Variants in PCDH9 observed in about 807,000 individuals in gnomAD.
PCDH9 encodes the protein protocadherin-9.
A neutral mutation model predicts 70.6 loss-of-function variants in PCDH9; 24 were observed. That is an observed-to-expected ratio of 0.34 (90% CI 0.25 to 0.48). PCDH9 has a LOEUF of 0.48. Ranked by LOEUF, PCDH9 falls within the 20% of genes least tolerant of loss-of-function variation. The probability of loss-of-function intolerance (pLI) is 0.99; values close to 1 mark genes in which losing one functional copy is unlikely to be tolerated. For synonymous variants in PCDH9, 562 were observed against 558.5 expected, an observed-to-expected ratio of 1.01 and a Z score of -0.09; for missense variants, 1,281 against 1,503.6, an observed-to-expected ratio of 0.85 and a Z score of 2.45.
chr13:66,925,470 T>G (rs2082703086), intron 2 of PCDH9, among the ~76,000 whole-genome samples: 1 of 151,928 alleles, frequency 6.6e-6, no homozygotes, highest in Non-Finnish European at 1.5e-5. Context: ...CTGATTTAAC[T>G]AAGTGACACT....
intron 2 of PCDH9, among the ~76,000 whole-genome samples, chr13:66,942,858 G>A (rs561387287): frequency 1.3e-5 from 2 of 152,208 alleles, no homozygotes; most frequent in South Asian, 4.1e-4. Context: ...CCAAGTGTTT[G>A]ACTACCCATA....
intron 4 of PCDH9, among the ~76,000 whole-genome samples, chr13:66,544,343 T>G (rs1475705250): frequency 6.6e-6 from 1 of 152,168 alleles, no homozygotes; most frequent in African/African-American, 2.4e-5. Context: ...ACTTCAGAAC[T>G]TACCAAACAT....
Position 67,039,485 on chromosome 13 carries a change from C to G in PCDH9, c.3037-135880G>C, listed in dbSNP as rs2085070856. Reference sequence around the variant, plus strand: ...ATGCCCCATCCCTATAAAACCTGGCCCAGCCCCCAGCTTGGGGAGACAGAT... The same window carrying G: ...ATGCCCCATCCCTATAAAACCTGGCGCAGCCCCCAGCTTGGGGAGACAGAT... On this transcript the variant is annotated intron_variant, in intron 2 of 4. Coordinates refer to ENST00000377865, the MANE Select transcript of PCDH9 (RefSeq NM_203487.3). 2.0e-5 allele frequency among the ~76,000 whole-genome samples: 3 copies of G among 152,068 alleles called. No individual in the cohort carries two copies. The South Asian group carries it at 6.2e-4, about 32-fold the overall frequency.
chr13:66,799,184 C>A lies in PCDH9; in HGVS notation c.3138+104320G>T, dbSNP rs567186213. 2.6e-5 allele frequency among the ~76,000 whole-genome samples: 4 copies of A among 152,178 alleles called. No individual in the cohort carries two copies. The South Asian group carries it at 8.3e-4, about 32-fold the overall frequency. On this transcript the variant is annotated intron_variant, in intron 3 of 4. Coordinates refer to ENST00000377865, the MANE Select transcript of PCDH9 (RefSeq NM_203487.3). ...TTATACATTTCATGACTTTAAACTC[C>A]CTTGTTCTCTAGAAGCTCTGTGATT... is the stretch of plus-strand genomic sequence containing the variant.
At chr13:67,154,561 C>T (rs901430054) in intron 2 of PCDH9, among the ~76,000 whole-genome samples, 2 of 117,522 alleles carry the variant, frequency 1.7e-5, no homozygotes, top group East Asian at 2.5e-4. Context: ...GGGAAACAGA[C>T]GGAGACCCTG....
At chr13:66,681,908 TGTTTAGTAGG>T (rs1412986336) in intron 3 of PCDH9, among the ~76,000 whole-genome samples, 1 of 149,328 alleles carries the variant, frequency 6.7e-6, no homozygotes, top group Non-Finnish European at 1.5e-5. Context: ...GTTAAAGATA[TGTTTAGTAGG>T]ATACATCTGG....
chr13:66,873,932 C>CTTTTTTTTTTTTTTTTTTT (rs2081746485), intron 3 of PCDH9, among the ~76,000 whole-genome samples: 3 of 97,480 alleles, frequency 3.1e-5, no homozygotes, highest in East Asian at 3.0e-4. Flanking sequence ...TTTTTTTTTT[C>CTTTTTTTTTTTTTTTTTTT]TTTCTTTCTT....
intron 4 of PCDH9, among the ~76,000 whole-genome samples, chr13:66,589,025 A>G (rs2077002571): frequency 6.6e-6 from 1 of 152,024 alleles, no homozygotes; most frequent in Non-Finnish European, 1.5e-5. Flanking sequence ...ATGTTATATA[A>G]AATGTTCCCT....
At position 66,421,785 on chromosome 13, in the gene PCDH9, C is replaced by T. The variant is rs1033882463; in HGVS notation, c.3341-116757G>A. 7.9e-5 allele frequency among the ~76,000 whole-genome samples: 12 copies of T among 152,220 alleles called. No individual in the cohort carries two copies. The South Asian group carries it at 8.3e-4, about 11-fold the overall frequency. On this transcript the variant is annotated intron_variant, in intron 4 of 4. Transcript: ENST00000377865. ...GGAAAATAACCAGCTAGCATCATAACGACAGGATCAAATTCACACACAACA... is the reference window on the plus strand; with the variant it reads ...GGAAAATAACCAGCTAGCATCATAATGACAGGATCAAATTCACACACAACA...
chr13:66,931,412 A>T (rs1374317409), intron 2 of PCDH9, among the ~76,000 whole-genome samples: 1 of 152,154 alleles, frequency 6.6e-6, no homozygotes, highest in East Asian at 1.9e-4. Context: ...TCAGTGATTT[A>T]TAAATATATG....
Position 66,542,705 on chromosome 13 carries a change from TAA to T in PCDH9, c.3340+88503_3340+88504del, listed in dbSNP as rs1192555905. 5.3e-5 allele frequency among the ~76,000 whole-genome samples: 7 copies of T among 132,360 alleles called. No homozygotes were observed. In the East Asian group the frequency reaches 9.1e-4, roughly 17 times the overall value. 86.8% of individuals were successfully genotyped at this position (132,360 alleles called of 152,430 possible). On this transcript the variant is annotated intron_variant, in intron 4 of 4. Transcript: ENST00000377865. ...ATATATATGTTTAAATATATATATA[TAA>T]AAACATATATATGTTTAAATATATA... is the stretch of plus-strand genomic sequence containing the variant.
At chr13:66,406,612 C>T (rs1041380649) in intron 4 of PCDH9, among the ~76,000 whole-genome samples, 4 of 152,074 alleles carry the variant, frequency 2.6e-5, no homozygotes, top group South Asian at 4.1e-4. Flanking sequence ...TGGCTTGTAA[C>T]GGGTCAAATT....
chr13:66,601,050 G>A (rs1424417188), intron 4 of PCDH9, among the ~76,000 whole-genome samples: 2 of 144,906 alleles, frequency 1.4e-5, no homozygotes, highest in African/African-American at 5.0e-5. Flanking sequence ...ACACTTCTAT[G>A]AAGTCAGGCT....
intron 3 of PCDH9, among the ~76,000 whole-genome samples, chr13:66,708,848 CT>C (rs111593952): frequency 0.02 from 2,973 of 152,242 alleles, 104 homozygotes; most frequent in African/African-American, 0.068. Flanking sequence ...CATTCAGCTG[CT>C]TATTTTGATA....
intron 3 of PCDH9, among the ~76,000 whole-genome samples, chr13:66,654,935 A>G (rs1018678041): frequency 6.6e-6 from 1 of 152,042 alleles, no homozygotes; most frequent in Non-Finnish European, 1.5e-5. Flanking sequence ...CATGTTGCCC[A>G]GGCTGGTCCC....
chr13:67,018,429 G>A (rs1445563941), intron 2 of PCDH9, among the ~76,000 whole-genome samples: 1 of 152,014 alleles, frequency 6.6e-6, no homozygotes, highest in African/African-American at 2.4e-5. Context: ...GACCATCCTG[G>A]TCAACATAGT....
intron 2 of PCDH9, among the ~76,000 whole-genome samples, chr13:67,075,399 A>G (rs1248314613): frequency 6.6e-6 from 1 of 152,100 alleles, no homozygotes; most frequent in Non-Finnish European, 1.5e-5. Context: ...GAAACTGACA[A>G]ATGCAGTTTC....
At chr13:67,137,845 C>T (rs141062908) in intron 2 of PCDH9, among the ~76,000 whole-genome samples, 3 of 151,764 alleles carry the variant, frequency 2.0e-5, no homozygotes, top group African/African-American at 7.2e-5. Context: ...TTGGCTTTTA[C>T]CAAAAAAAGC....
intron 4 of PCDH9, among the ~76,000 whole-genome samples, chr13:66,347,232 A>T (rs1289403564): frequency 6.6e-6 from 1 of 152,208 alleles, no homozygotes; most frequent in African/African-American, 2.4e-5. Flanking sequence ...CATGTTTCTG[A>T]ACATATGTAA....
Sources: allele counts gnomAD v4.1 joint callset (sites outside exome capture counted in the v4.1 genomes callset), GRCh38; gene constraint gnomAD v4.1.1; transcripts MANE v1.5; gene names NCBI Gene and HGNC (gene_info 2026-07-23, HGNC 2026-07-21).